The following NLRP4 variants were observed in gnomAD, a reference collection of about 807,000 sequenced individuals.
The protein encoded by NLRP4 is NACHT, LRR and PYD domains-containing protein 4.
NLRP4 carries 44 observed loss-of-function variants against 84.7 expected under a neutral mutation model. The observed-to-expected ratio is 0.52, with a 90% confidence interval of 0.41 to 0.67. NLRP4 has a LOEUF of 0.67. NLRP4 is among the 30% of genes least tolerant of loss of function. NLRP4 has a pLI of 0.00. For synonymous variants in NLRP4, 544 were observed against 476.4 expected (o/e 1.14, Z -1.85); for missense variants, 1,260 against 1,219.4 (o/e 1.03, Z -0.50).
chr19:55,867,516 T>C (rs1985006743), intron 5 of NLRP4, among the ~76,000 whole-genome samples, 193 bp from the exon 6 acceptor site: 1 of 151,498 alleles, frequency 6.6e-6, no homozygotes, highest in African/African-American at 2.4e-5. Flanking sequence ...TGCATATAAC[T>C]GAGACTGTGC....
Position 55,876,983 on chromosome 19 carries a change from T to G in NLRP4, c.2526-13T>G. 6.2e-7 allele frequency: 1 copy of G among 1,610,206 alleles called. No individual in the cohort carries two copies. Among genetic ancestry groups the G allele is most frequent in the South Asian group, 1.1e-5 (1 of 90,780 alleles). Reference sequence around the variant, plus strand: ...TAATAGCCTTTAAGCATGGTACCCTTACTCCTTTGCAGTTTGGTAAAATGT... The same window carrying G: ...TAATAGCCTTTAAGCATGGTACCCTGACTCCTTTGCAGTTTGGTAAAATGT... On this transcript the variant is annotated splice_polypyrimidine_tract_variant and intron_variant, in intron 7 of 9. Coordinates refer to ENST00000301295, the MANE Select transcript of NLRP4 (RefSeq NM_134444.5).
At chr19:55,879,066 A>G in intron 9 of NLRP4, 102 bp downstream of exon 9, 1 of 898,530 alleles carries the variant, frequency 1.1e-6, no homozygotes, top group Non-Finnish European at 1.7e-6. Flanking sequence ...AATGCAAATG[A>G]TGTTCCTTGT....
rs373396536 is a variant in NLRP4, at chr19:55,881,625, A to G, written c.*38A>G. Reference sequence around the variant, plus strand: ...TGGGCTCTGACTCGAACACCTGCAAAGGACAGGGACTGGGACCGTTACTTA... The same window carrying G: ...TGGGCTCTGACTCGAACACCTGCAAGGGACAGGGACTGGGACCGTTACTTA... On this transcript the variant is annotated 3_prime_UTR_variant, in exon 10 of 10. Transcript: ENST00000301295. The G allele has an allele frequency of 1.2e-5, 12 of 984,816 alleles. No homozygotes were observed. The highest frequency in any genetic ancestry group is 1.6e-5 in the Non-Finnish European group (10 of 613,972). 61.0% of individuals were successfully genotyped at this position (984,816 alleles called of 1,614,324 possible).
At chr19:55,862,348 GT>G (rs1984797891) in intron 5 of NLRP4, among the ~76,000 whole-genome samples, 189 bp downstream of exon 5, 1 of 125,618 alleles carries the variant, frequency 8.0e-6, no homozygotes. Context: ...CACTGATTGG[GT>G]TTCAGAGAAG....
chr19:55,843,979 A>C (rs898806293), intron 1 of NLRP4, among the ~76,000 whole-genome samples: 1 of 151,994 alleles, frequency 6.6e-6, no homozygotes, highest in Non-Finnish European at 1.5e-5. Context: ...TAGACCACTA[A>C]TTATCTCTGT....
chr19:55,879,727 A>G (rs1254968457), intron 9 of NLRP4, among the ~76,000 whole-genome samples: 1 of 152,138 alleles, frequency 6.6e-6, no homozygotes, highest in Admixed American at 6.5e-5. Context: ...TTGTTAGAAA[A>G]GAAATGATTT....
intron 1 of NLRP4, among the ~76,000 whole-genome samples, chr19:55,841,280 G>A (rs571273663): frequency 3.9e-5 from 6 of 152,072 alleles, no homozygotes; most frequent in African/African-American, 1.4e-4. Context: ...CTGGTCTCCC[G>A]TTACTCTCCC....
chr19:55,856,715 C>T (rs566964336), intron 2 of NLRP4, among the ~76,000 whole-genome samples: 1 of 152,140 alleles, frequency 6.6e-6, no homozygotes, highest in African/African-American at 2.4e-5. Context: ...AGGGTTTCAC[C>T]ATGTTGGCCA....
chr19:55,875,179 G>A (rs545098880), intron 7 of NLRP4, among the ~76,000 whole-genome samples: 112 of 152,268 alleles, frequency 7.4e-4, no homozygotes, highest in African/African-American at 2.2e-3. Context: ...TCATGAAAAA[G>A]ATAAGAACGG....
chr19:55,878,527 G>A (rs199544818), intron 8 of NLRP4, among the ~76,000 whole-genome samples: 1 of 152,294 alleles, frequency 6.6e-6, no homozygotes, highest in Non-Finnish European at 1.5e-5. Context: ...ATTATCCAAA[G>A]CAAGGTATGA....
At position 55,858,160 on chromosome 19, in the gene NLRP4, C is replaced by T. The variant is rs749461870; in HGVS notation, c.767C>T (p.Pro256Leu). The T allele has an allele frequency of 6.2e-6, 10 of 1,613,964 alleles. No individual in the cohort carries two copies. The highest frequency in any genetic ancestry group is 1.3e-5 in the African/African-American group (1 of 74,892). ...TGTGGTGACTTGATGGAGAAACGGC[C>T]GGTGCAGGTGCTTCTGAGCAGTTTG... Reference protein sequence around the residue: ...DLCGDLMEKRPVQVLLSSLLR... With the variant: ...DLCGDLMEKRLVQVLLSSLLR... The change falls in exon 3 of 10, where the codon CCG becomes CTG. Residue 256 changes from proline to leucine, a missense_variant. Physicochemically the swap from Pro to Leu is moderately conservative, Grantham distance 98. This residue lies in a region of NLRP4 where 712 missense variants were observed against 669.2 expected (regional missense o/e 1.06). Transcript: ENST00000301295. This position sits in a 1 kb window ranked among gnomAD's most constrained non-coding sequence, Gnocchi z 4.2.
Position 55,878,922 on chromosome 19 carries a change from G to C in NLRP4, c.2825G>C (p.Cys942Ser), listed in dbSNP as rs1488400162. Reference protein sequence around the residue: ...TLDHTGVVVLCEALRHPECAL... With the variant: ...TLDHTGVVVLSEALRHPECAL... ...GACCACACAGGGGTGGTTGTACTCT[G>C]TGAGGCCCTGAGACACCCAGAGTGT... is the stretch of plus-strand genomic sequence containing the variant. The change falls in exon 9 of 10, where the codon TGT (cysteine) becomes TCT (serine). Residue 942 changes from cysteine to serine, a missense_variant. Physicochemically the swap from Cys to Ser is moderately radical, Grantham distance 112. Coordinates refer to ENST00000301295, the MANE Select transcript of NLRP4 (RefSeq NM_134444.5). 1.2e-6 allele frequency: 2 copies of C among 1,613,810 alleles called. No homozygotes were observed. The highest frequency in any genetic ancestry group is 1.3e-5 in the African/African-American group (1 of 74,908).
chr19:55,864,894 A>G (rs1297050410), intron 5 of NLRP4, among the ~76,000 whole-genome samples: 1 of 152,212 alleles, frequency 6.6e-6, no homozygotes, highest in Non-Finnish European at 1.5e-5. Context: ...TTGGAGAAAT[A>G]TATATTCAAG....
At position 55,858,532 on chromosome 19, in the gene NLRP4, T is replaced by A; in HGVS notation, c.1139T>A (p.Phe380Tyr). 6.2e-7 allele frequency: 1 copy of A among 1,614,180 alleles called. No homozygotes were observed. The highest frequency in any genetic ancestry group is 8.5e-7 in the Non-Finnish European group (1 of 1,180,034). Residue 380 changes from phenylalanine (F) to tyrosine (Y), a missense_variant, in exon 3 of 10, where the codon TTC becomes TAC. Around this residue, in one of 3 missense-constraint regions of NLRP4, gnomAD observed 712 missense variants for 669.2 expected, o/e 1.06. Coordinates refer to ENST00000301295, the MANE Select transcript of NLRP4 (RefSeq NM_134444.5). The surrounding 1 kb of genome is among the most constrained non-coding windows in gnomAD (Gnocchi z 4.2). Reference sequence around the variant, plus strand: ...TACTCCTCTTTCGTCTTTAACCTGTTCACACCTGAGGGTGCCGAGGGCCCG... The same window carrying A: ...TACTCCTCTTTCGTCTTTAACCTGTACACACCTGAGGGTGCCGAGGGCCCG... ...SVYSSFVFNLFTPEGAEGPTP... is the reference protein window; with the variant it reads ...SVYSSFVFNLYTPEGAEGPTP...
intron 2 of NLRP4, among the ~76,000 whole-genome samples, chr19:55,854,839 C>A (rs1006933101): frequency 6.6e-6 from 1 of 152,154 alleles, no homozygotes; most frequent in Admixed American, 6.6e-5. Context: ...TCTCCTGCCT[C>A]AGCCTCCGGA....
chr19:55,861,370 C>A lies in NLRP4; in HGVS notation c.1857-16C>A. 1 of 1,610,402 alleles carries A rather than the reference C, an allele frequency of 6.2e-7. No homozygotes were observed. The highest frequency in any genetic ancestry group is 8.5e-7 in the Non-Finnish European group (1 of 1,177,448). On this transcript the variant is annotated splice_polypyrimidine_tract_variant and intron_variant, in intron 3 of 9. Coordinates refer to ENST00000301295, the MANE Select transcript of NLRP4 (RefSeq NM_134444.5). ...GACCGCCTGCCTGTGGAAAGCTCGT[C>A]CTTTCTTGACCACAGGTCGGATTAC...
intron 3 of NLRP4, 28 bp downstream of exon 3, chr19:55,859,277 CTT>C: frequency 6.5e-7 from 1 of 1,549,626 alleles, no homozygotes; most frequent in Non-Finnish European, 8.8e-7. Context: ...CTTTTTCTCT[CTT>C]CTCAGAATCT....
At chr19:55,839,470 G>T (rs1297029126) in intron 1 of NLRP4, among the ~76,000 whole-genome samples, 1 of 127,306 alleles carries the variant, frequency 7.9e-6, no homozygotes, top group Non-Finnish European at 1.6e-5. Context: ...TCTTCTGTGG[G>T]GGAAGAGTTA....
chr19:55,843,346 C>T (rs1039860253), intron 1 of NLRP4, among the ~76,000 whole-genome samples: 4 of 152,002 alleles, frequency 2.6e-5, no homozygotes, highest in African/African-American at 9.7e-5. Context: ...TACTCTTGGA[C>T]TTTATTGGGC....
Sources: gnomAD v4.1 joint callset for allele counts (sites outside exome capture counted in the v4.1 genomes callset) on GRCh38, gnomAD v4.1.1 for gene constraint, gnomAD v4.1.1 regional missense constraint, Gnocchi (gnomAD v3.1) non-coding constraint, MANE v1.5 for transcripts, NCBI Gene and HGNC (gene_info 2026-07-23, HGNC 2026-07-21) for gene names.